Variants in MCMBP observed in about 807,000 individuals in gnomAD.
MCMBP encodes the protein minichromosome maintenance complex binding protein, also known as mini-chromosome maintenance complex-binding protein.
In MCMBP, 31 loss-of-function variants were observed where a neutral mutation model predicts 81.3. The ratio of observed to expected loss-of-function variants is 0.38; its 90% CI spans 0.29 to 0.51. MCMBP has a LOEUF of 0.51. MCMBP is among the 20% of genes least tolerant of loss of function. The pLI is 0.87. For missense variants in MCMBP, 645 were observed against 772.1 expected (o/e 0.84, Z 1.95); for synonymous variants, 267 against 275.9 (o/e 0.97, Z 0.32).
At chr10:119,865,569 T>A (rs1409944777) in intron 1 of MCMBP, among the ~76,000 whole-genome samples, 1 of 152,082 alleles carries the variant, frequency 6.6e-6, no homozygotes, top group Non-Finnish European at 1.5e-5. Context: ...CCTCAAAAAG[T>A]TAAATATAAA....
At chr10:119,842,324 A>G in intron 10 of MCMBP, 148 bp downstream of exon 10, 1 of 754,848 alleles carries the variant, frequency 1.3e-6, no homozygotes, top group Non-Finnish European at 2.0e-6. Flanking sequence ...TTTGTCTGTG[A>G]TTTGGTATAA....
At chr10:119,842,762 T>A in intron 9 of MCMBP, 167 bp from the exon 10 acceptor site, 1 of 688,192 alleles carries the variant, frequency 1.5e-6, no homozygotes, top group African/African-American at 1.9e-5. Context: ...GCAGTTTGCA[T>A]CCTCCTTTTT....
chr10:119,858,244 A>G (rs1417400729), intron 4 of MCMBP: 1 of 152,244 alleles, frequency 6.6e-6, no homozygotes, highest in African/African-American at 2.4e-5. Context: ...TGACACTACC[A>G]AAGGCTAACA....
chr10:119,862,303 G>A (rs894072443), intron 1 of MCMBP, among the ~76,000 whole-genome samples: 6 of 151,718 alleles, frequency 4.0e-5, no homozygotes, highest in Admixed American at 2.0e-4. Flanking sequence ...GTGAATCTTC[G>A]TCCCCCCCCA....
chr10:119,854,963 A>T (rs7914043), intron 5 of MCMBP, among the ~76,000 whole-genome samples: 23,938 of 151,032 alleles, frequency 0.16, 2,157 homozygotes, highest in South Asian at 0.44. Context: ...AAAAAAAAAA[A>T]AAAAAAAAAT....
Position 119,852,970 on chromosome 10 carries a change from A to G in MCMBP, c.574+80T>C. 4.6e-6 allele frequency: 7 copies of G among 1,529,124 alleles called. No homozygotes were observed. In the South Asian group the frequency reaches 5.9e-5, roughly 13 times the overall value. The allele number at this position is 1,529,124 out of a possible 1,614,324, so 94.7% of individuals were successfully genotyped here. A position where few individuals can be genotyped will look rare whatever the true frequency, so the allele number is the denominator to read the frequency against. ...ATTGCCAGCTCCTAAATATAGAGCT[A>G]TATTATGTAACAATTCACTCTGAAA... On this transcript the variant is annotated intron_variant, in intron 6 of 15. Transcript: ENST00000369077.
chr10:119,858,991 G>C (rs769680225), intron 3 of MCMBP, 50 bp downstream of exon 3: 1 of 1,610,974 alleles, frequency 6.2e-7, no homozygotes. Flanking sequence ...ACCACCAACA[G>C]TAAAAGGACA....
At chr10:119,855,683 A>AG (rs1714352840) in intron 5 of MCMBP, among the ~76,000 whole-genome samples, 1 of 152,126 alleles carries the variant, frequency 6.6e-6, no homozygotes, top group Non-Finnish European at 1.5e-5. Flanking sequence ...TAAAAAAAAA[A>AG]GGCTAGAAAA....
At position 119,842,588 on chromosome 10, in the gene MCMBP, T is replaced by C. The variant is rs1244917273; in HGVS notation, c.1008A>G (p.Ser336=). Residue 336 remains serine, a synonymous_variant, in exon 10 of 16, where the codon TCA becomes TCG. Coordinates refer to ENST00000369077, the MANE Select transcript of MCMBP (RefSeq NM_001256378.2). ...CTGGAGACAATTCGGACATGAAACT[T>C]GAAACAACTGAAGGAGAAAGGAAGA... is the stretch of plus-strand genomic sequence containing the variant. The part of the protein sequence containing the change: ...LNKEESKTFV[S]SFMSELSPVR... The C allele has an allele frequency of 3.7e-6, 6 of 1,612,648 alleles. No homozygotes were observed. The highest frequency in any genetic ancestry group is 2.7e-5 in the African/African-American group (2 of 74,826).
At chr10:119,841,743 A>G (rs1005949295) in intron 10 of MCMBP, among the ~76,000 whole-genome samples, 3 of 152,262 alleles carry the variant, frequency 2.0e-5, no homozygotes, top group Non-Finnish European at 4.4e-5. Context: ...GGCCCACACT[A>G]GTTTTAAAAT....
intron 14 of MCMBP, among the ~76,000 whole-genome samples, chr10:119,834,299 G>A (rs373314028): frequency 2.0e-5 from 3 of 152,202 alleles, no homozygotes; most frequent in East Asian, 3.9e-4. Context: ...CATCATAATC[G>A]AAACTGTCAA....
chr10:119,866,016 A>G (rs1347492730), intron 1 of MCMBP, among the ~76,000 whole-genome samples: 1 of 151,988 alleles, frequency 6.6e-6, no homozygotes, highest in Non-Finnish European at 1.5e-5. Flanking sequence ...TGAGACTGGA[A>G]GTTCAAGGCT....
Position 119,857,443 on chromosome 10 carries a change from T to C in MCMBP, c.328-4A>G. 6.4e-7 allele frequency: 1 copy of C among 1,573,460 alleles called. No homozygotes were observed. The highest frequency in any genetic ancestry group is 8.6e-7 in the Non-Finnish European group (1 of 1,160,536). On this transcript the variant is annotated splice_region_variant and splice_polypyrimidine_tract_variant and intron_variant, in intron 4 of 15. Transcript: ENST00000369077. ...TTAAATCAAGTTCTTGTTGAGGCTGTGATATACATAAAAAGTGTTTTTAAA... is the reference window on the plus strand; with the variant it reads ...TTAAATCAAGTTCTTGTTGAGGCTGCGATATACATAAAAAGTGTTTTTAAA...
chr10:119,856,279 A>G (rs1853038163), intron 5 of MCMBP, among the ~76,000 whole-genome samples: 1 of 152,228 alleles, frequency 6.6e-6, no homozygotes, highest in African/African-American at 2.4e-5. Flanking sequence ...GGTAGTTTAA[A>G]ATGTTCTCAC....
In MCMBP at chr10:119,859,843, C is replaced by T; in HGVS notation, c.100G>A (p.Glu34Lys). 1 of 1,613,298 alleles carries T rather than the reference C, an allele frequency of 6.2e-7. No homozygotes were observed. Among genetic ancestry groups the T allele is most frequent in the South Asian group, 1.1e-5 (1 of 91,020 alleles). Residue 34 changes from glutamate (E) to lysine (K), a missense_variant, in exon 2 of 16, where the codon GAG (glutamate) becomes AAG (lysine). Physicochemically the swap from Glu to Lys is moderately conservative, Grantham distance 56. Coordinates refer to ENST00000369077, the MANE Select transcript of MCMBP (RefSeq NM_001256378.2). Reference sequence around the variant, plus strand: ...TCCTTCAGCTTTTCCTTAAAATACTCAATTACTTTCTTCTCCCAGTCAGGA... The same window carrying T: ...TCCTTCAGCTTTTCCTTAAAATACTTAATTACTTTCTTCTCCCAGTCAGGA... The part of the protein sequence containing the change: ...VNPDWEKKVI[E>K]YFKEKLKENN...
chr10:119,831,347 T>C lies in MCMBP; in HGVS notation c.*127A>G. 1 of 1,166,058 alleles carries C rather than the reference T, an allele frequency of 8.6e-7. No homozygotes were observed. Among genetic ancestry groups the C allele is most frequent in the South Asian group, 1.5e-5 (1 of 66,242 alleles). The allele number at this position is 1,166,058 out of a possible 1,614,324, so 72.2% of individuals were successfully genotyped here. On this transcript the variant is annotated 3_prime_UTR_variant, in exon 16 of 16. Coordinates refer to ENST00000369077, the MANE Select transcript of MCMBP (RefSeq NM_001256378.2). The stretch of plus-strand genomic sequence containing the variant: ...TATAAACATCAGGTGTTACCAGGCT[T>C]GATTTCAGGAAATGTCACTGGTTTG...
In MCMBP at chr10:119,830,143, G is replaced by A. The variant is rs545172669; in HGVS notation, c.*1331C>T. ...TAGTTATTTTTACTTCAGTTATTAG[G>A]TACAATGAATTCCTTGATTTTTCAA... is the stretch of plus-strand genomic sequence containing the variant. On this transcript the variant is annotated 3_prime_UTR_variant, in exon 16 of 16. Coordinates refer to ENST00000369077, the MANE Select transcript of MCMBP (RefSeq NM_001256378.2). 6.6e-6 allele frequency: 1 copy of A among 152,668 alleles called. No individual in the cohort carries two copies. The highest frequency in any genetic ancestry group is 1.9e-4 in the East Asian group (1 of 5,190). The allele number at this position is 152,668 out of a possible 1,614,324, so 9.5% of individuals were successfully genotyped here. A position where few individuals can be genotyped will look rare whatever the true frequency, so the allele number is the denominator to read the frequency against.
At chr10:119,864,907 A>G (rs1303836124) in intron 1 of MCMBP, among the ~76,000 whole-genome samples, 1 of 152,214 alleles carries the variant, frequency 6.6e-6, no homozygotes, top group Non-Finnish European at 1.5e-5. Context: ...TGTTCTTCTT[A>G]TATATAAAGT....
At chr10:119,839,943 G>A (rs1028606300) in intron 11 of MCMBP, among the ~76,000 whole-genome samples, 1 of 152,180 alleles carries the variant, frequency 6.6e-6, no homozygotes. Flanking sequence ...GCAGATACAA[G>A]CATCCATTGT....
Sources: gnomAD v4.1 joint callset for allele counts (sites outside exome capture counted in the v4.1 genomes callset) on GRCh38, gnomAD v4.1.1 for gene constraint, MANE v1.5 for transcripts, NCBI Gene and HGNC (gene_info 2026-07-23, HGNC 2026-07-21) for gene names.